The following ENTREP3 variants were observed in gnomAD, a reference collection of about 807,000 sequenced individuals.
ENTREP3 encodes endosomal transmembrane epsin interactor 3.
the ENTREP3 span, chr1:155,253,522 C>G: frequency 1.3e-6 from 1 of 744,854 alleles, no homozygotes; most frequent in Non-Finnish European, 2.3e-6. Context: ...GCCCCTGGTG[C>G]TCAAAAGCCA....
chr1:155,253,659 C>T, the ENTREP3 span: 2 of 1,613,948 alleles, frequency 1.2e-6, no homozygotes, highest in East Asian at 2.2e-5. Context: ...GATTTGGATG[C>T]AGCAGACAAT....
chr1:155,253,906 T>C, the ENTREP3 span: 1 of 1,612,720 alleles, frequency 6.2e-7, no homozygotes, highest in Non-Finnish European at 8.5e-7. Context: ...GGGGCAACTT[T>C]CAGTTCCTGC....
At chr1:155,251,724 A>G in the ENTREP3 span, 3 of 1,612,628 alleles carry the variant, frequency 1.9e-6, no homozygotes, top group Non-Finnish European at 2.5e-6. Flanking sequence ...AGACCCCACC[A>G]GGCCTTACCT....
At chr1:155,255,038 G>C in the ENTREP3 span, 4,280 of 619,002 alleles carry the variant, frequency 6.9e-3, 135 homozygotes, top group African/African-American at 0.071. The surrounding 1 kb of genome is among the most constrained non-coding windows in gnomAD (Gnocchi z 5.6). Flanking sequence ...CGCCAGCTGT[G>C]GGGGGGGCCA....
the ENTREP3 span, chr1:155,250,459 C>A: frequency 3.5e-5 from 51 of 1,475,564 alleles, no homozygotes; most frequent in Admixed American, 4.7e-5. This position sits in a 1 kb window ranked among gnomAD's most constrained non-coding sequence, Gnocchi z 5.4. Context: ...CCCCGGGGGA[C>A]CCGCCGCCTC....
chr1:155,253,481 T>G, the ENTREP3 span: 2 of 610,384 alleles, frequency 3.3e-6, no homozygotes, highest in Non-Finnish European at 5.9e-6. Context: ...CATCCATTCC[T>G]CCAATAGATG....
At chr1:155,251,692 C>G in the ENTREP3 span, 2 of 1,610,466 alleles carry the variant, frequency 1.2e-6, no homozygotes, top group Non-Finnish European at 1.7e-6. Context: ...AGCCCCAGTC[C>G]CCTTCCTTAG....
At chr1:155,249,884 TC>T in the ENTREP3 span, among the ~76,000 whole-genome samples, 44,174 of 116,684 alleles carry the variant, frequency 0.38, 9,091 homozygotes, top group African/African-American at 0.6. Context: ...AGACACCGTC[TC>T]AAAAAAAAAA....
chr1:155,255,080 G>C, the ENTREP3 span: 1 of 599,338 alleles, frequency 1.7e-6, no homozygotes, highest in African/African-American at 1.9e-5. The surrounding 1 kb of genome is among the most constrained non-coding windows in gnomAD (Gnocchi z 5.6). Context: ...ACCGCGGAGT[G>C]CTCCCTCCCC....
chr1:155,250,611 G>A, the ENTREP3 span: 1 of 1,608,926 alleles, frequency 6.2e-7, no homozygotes, highest in East Asian at 2.2e-5. The surrounding 1 kb of genome is among the most constrained non-coding windows in gnomAD (Gnocchi z 5.4). Flanking sequence ...GGGGCGCCGT[G>A]GCAGGGGGCT....
the ENTREP3 span, chr1:155,253,830 A>T: frequency 1.2e-6 from 2 of 1,611,572 alleles, no homozygotes; most frequent in East Asian, 4.5e-5. Context: ...AGTGAGAACC[A>T]GGAGGATGTT....
At chr1:155,254,016 G>C in the ENTREP3 span, 1 of 1,613,006 alleles carries the variant, frequency 6.2e-7, no homozygotes, top group Non-Finnish European at 8.5e-7. This position sits in a 1 kb window ranked among gnomAD's most constrained non-coding sequence, Gnocchi z 4.4. Context: ...CCTGAGTCAG[G>C]ACAAACTGAG....
chr1:155,250,457 G>T, the ENTREP3 span: 7 of 1,477,290 alleles, frequency 4.7e-6, no homozygotes, highest in South Asian at 2.7e-5. This position sits in a 1 kb window ranked among gnomAD's most constrained non-coding sequence, Gnocchi z 5.4. Flanking sequence ...CTCCCCGGGG[G>T]ACCCGCCGCC....
At chr1:155,251,954 C>T in the ENTREP3 span, 2 of 1,315,226 alleles carry the variant, frequency 1.5e-6, no homozygotes, top group Non-Finnish European at 1.0e-6. Context: ...GGGAATACAG[C>T]TCCTCCTGGG....
At chr1:155,254,919 GC>G in the ENTREP3 span, 1 of 1,484,458 alleles carries the variant, frequency 6.7e-7, no homozygotes, top group Non-Finnish European at 9.1e-7. This position sits in a 1 kb window ranked among gnomAD's most constrained non-coding sequence, Gnocchi z 4.4. Flanking sequence ...GCCCTCCCTG[GC>G]ACTTGGGAGC....
the ENTREP3 span, chr1:155,254,696 G>A: frequency 6.2e-7 from 1 of 1,611,826 alleles, no homozygotes; most frequent in Non-Finnish European, 8.5e-7. The surrounding 1 kb of genome is among the most constrained non-coding windows in gnomAD (Gnocchi z 4.4). Context: ...GATGCTCTCG[G>A]TGGTGGTGAC....
At chr1:155,255,214 G>A in the ENTREP3 span, 2 of 427,398 alleles carry the variant, frequency 4.7e-6, no homozygotes, top group Non-Finnish European at 8.6e-6. The surrounding 1 kb of genome is among the most constrained non-coding windows in gnomAD (Gnocchi z 5.6). Flanking sequence ...AGGAGGGGGC[G>A]GCGGCCTGGA....
the ENTREP3 span, chr1:155,254,629 C>T: frequency 2.5e-6 from 4 of 1,603,270 alleles, no homozygotes; most frequent in Non-Finnish European, 3.4e-6. This position sits in a 1 kb window ranked among gnomAD's most constrained non-coding sequence, Gnocchi z 4.4. Context: ...CCTCCCCCAC[C>T]CAACAACTGT....
the ENTREP3 span, chr1:155,250,191 G>T: frequency 8.1e-7 from 1 of 1,235,762 alleles, no homozygotes; most frequent in Non-Finnish European, 1.1e-6. This position sits in a 1 kb window ranked among gnomAD's most constrained non-coding sequence, Gnocchi z 5.4. Flanking sequence ...CCTCAACTGT[G>T]CCCCAATCCT....
Sources: gnomAD v4.1 joint callset for allele counts (sites outside exome capture counted in the v4.1 genomes callset) on GRCh38, gnomAD v4.1.1 for gene constraint, Gnocchi (gnomAD v3.1) non-coding constraint, MANE v1.5 for transcripts, NCBI Gene and HGNC (gene_info 2026-07-23, HGNC 2026-07-21) for gene names.